HAUS7: variants seen among roughly 807,000 people sequenced by gnomAD.
HAUS7 encodes HAUS augmin-like complex subunit 7.
HAUS7 carries 3 observed loss-of-function variants against 28.4 expected under a neutral mutation model. That is an observed-to-expected ratio of 0.11 (90% confidence interval 0.05 to 0.27). The LOEUF (loss-of-function observed/expected upper bound fraction) is 0.27. HAUS7 is among the 10% of genes least tolerant of loss of function. The pLI, the probability that HAUS7 is intolerant of heterozygous loss-of-function variation, is 1.00. For missense variants in HAUS7, 284 were observed against 297.3 expected, an observed-to-expected ratio of 0.96 and a Z score of 0.33; for synonymous variants, 165 against 132.1, an observed-to-expected ratio of 1.25 and a Z score of -1.71.
intron 1 of HAUS7, among the ~76,000 whole-genome samples, chrX:153,483,988 G>C (rs1425394208): frequency 8.9e-6 from 1 of 112,201 alleles, no homozygotes; most frequent in East Asian, 2.8e-4. Flanking sequence ...CCACAAGCTG[G>C]GTGGCTTCAA....
At chrX:153,483,600 G>C (rs957778791) in intron 1 of HAUS7, among the ~76,000 whole-genome samples, 2 of 112,130 alleles carry the variant, frequency 1.8e-5, no homozygotes, top group Admixed American at 1.9e-4. Context: ...GGCTCCAGGG[G>C]AGGACTTGTT....
At chrX:153,468,077 G>A (rs2089475631) in intron 2 of HAUS7, among the ~76,000 whole-genome samples, 1 of 112,400 alleles carries the variant, frequency 8.9e-6, no homozygotes, top group African/African-American at 3.2e-5. Flanking sequence ...GAGGCCTGAG[G>A]AAGGGCCTAG....
chrX:153,466,289 G>A (rs2089454183), intron 2 of HAUS7, among the ~76,000 whole-genome samples: 1 of 112,722 alleles, frequency 8.9e-6, no homozygotes, highest in East Asian at 2.8e-4. Flanking sequence ...GTGCAAGGGC[G>A]GGCACAGTAA....
chrX:153,481,495 C>G (rs1556987305), intron 1 of HAUS7: 1 of 755,069 alleles, frequency 1.3e-6, no homozygotes. Flanking sequence ...TGGGCACAGG[C>G]ACAGGCACGC....
intron 2 of HAUS7, among the ~76,000 whole-genome samples, chrX:153,466,589 G>A (rs1302769155): frequency 8.9e-6 from 1 of 111,990 alleles, no homozygotes; most frequent in Non-Finnish European, 1.9e-5. Context: ...GTGCGGTCAC[G>A]TACAAAGAAA....
chrX:153,448,624 G>C (rs186147592), intron 9 of HAUS7, among the ~76,000 whole-genome samples: 1 of 111,386 alleles, frequency 9.0e-6, no homozygotes, highest in Non-Finnish European at 1.9e-5. Context: ...AGCGAGCCTG[G>C]CGCAAGAGGC....
rs782258428 is a variant in HAUS7, at chrX:153,455,637, C to T, written c.835G>A (p.Glu279Lys). The change falls in exon 8 of 10, where the codon GAG becomes AAG. Residue 279 changes from glutamate to lysine, a missense_variant. Transcript: ENST00000370211. ...GGGCGCTGGCAGCACTCGCCCAGCT[C>T]GTCGTCGTAGACTTGGAGAAAAGCC... ...ILAFLQVYDD[E>K]LGECCQRPGP... The T allele has an allele frequency of 8.3e-7, 1 of 1,207,329 alleles. No homozygotes were observed. The highest frequency in any genetic ancestry group is 2.2e-5 in the Admixed American group (1 of 45,965).
chrX:153,493,489 C>G (rs940602421), intron 1 of HAUS7, among the ~76,000 whole-genome samples: 2 of 112,269 alleles, frequency 1.8e-5, no homozygotes, highest in Middle Eastern at 4.6e-3. Context: ...GTAAAACACA[C>G]AAACCTGCCG....
intron 1 of HAUS7, among the ~76,000 whole-genome samples, chrX:153,476,669 G>A (rs782175374): frequency 7.1e-5 from 8 of 112,141 alleles, no homozygotes; most frequent in African/African-American, 2.6e-4. Context: ...AGAAGACTGG[G>A]GCACTGAGGA....
At chrX:153,481,666 C>T (rs1368772335) in intron 1 of HAUS7, 1 of 753,089 alleles carries the variant, frequency 1.3e-6, no homozygotes, top group East Asian at 1.5e-4. Context: ...GCCTCCTCGC[C>T]CCACACCCAC....
intron 1 of HAUS7, among the ~76,000 whole-genome samples, chrX:153,483,609 T>C (rs1307961373): frequency 9.0e-6 from 1 of 111,208 alleles, no homozygotes; most frequent in Non-Finnish European, 1.9e-5. Flanking sequence ...GGAGGACTTG[T>C]TCCTTGGGCC....
Position 153,470,514 on chromosome X carries a change from T to G in HAUS7, c.44A>C (p.Tyr15Ser). ...GCTGCTGTCGCCCTCGTCCTCTGAG[T>G]AGTCGTCGCCGCCACGGCCGCAGCC... ...DAGCGRGGDD[Y>S]SEDEGDSSVS... Residue 15 changes from tyrosine (Y) to serine (S), a missense_variant, in exon 1 of 10, where the codon TAC becomes TCC. Physicochemically the swap from Tyr to Ser is moderately radical, Grantham distance 144. Transcript: ENST00000370211. 2 of 1,202,203 alleles carry G rather than the reference T, an allele frequency of 1.7e-6. No homozygotes were observed. The highest frequency in any genetic ancestry group is 2.2e-6 in the Non-Finnish European group (2 of 890,804).
At chrX:153,466,588 C>T (rs1388746795) in intron 2 of HAUS7, among the ~76,000 whole-genome samples, 1 of 111,956 alleles carries the variant, frequency 8.9e-6, no homozygotes, top group Non-Finnish European at 1.9e-5. Flanking sequence ...GGTGCGGTCA[C>T]GTACAAAGAA....
At chrX:153,449,734 C>T (rs1556980772) in intron 9 of HAUS7, among the ~76,000 whole-genome samples, 1 of 112,460 alleles carries the variant, frequency 8.9e-6, no homozygotes, top group Non-Finnish European at 1.9e-5. Flanking sequence ...GGCGCCTGCA[C>T]TCACCTGGCT....
At chrX:153,448,209 G>A (rs1556980443) in intron 9 of HAUS7, among the ~76,000 whole-genome samples, 2 of 110,209 alleles carry the variant, frequency 1.8e-5, no homozygotes, top group African/African-American at 3.3e-5. Context: ...AATACTACGC[G>A]GCCCATAAAA....
intron 1 of HAUS7, chrX:153,481,635 A>G (rs2089600607): frequency 1.3e-6 from 1 of 752,625 alleles, no homozygotes; most frequent in African/African-American, 2.3e-5. Flanking sequence ...GTCTGACCAC[A>G]CTCTACCTGG....
chrX:153,459,835 G>A (rs1432322477), intron 4 of HAUS7, among the ~76,000 whole-genome samples: 5 of 112,303 alleles, frequency 4.5e-5, no homozygotes, highest in African/African-American at 1.6e-4. Context: ...GGGCAACATG[G>A]CAAGACCTCC....
chrX:153,491,057 G>C (rs1281650471), intron 1 of HAUS7, among the ~76,000 whole-genome samples: 2 of 111,596 alleles, frequency 1.8e-5, no homozygotes, highest in South Asian at 3.9e-4. Context: ...GGGGAGGTTC[G>C]TGTCCAGGCA....
At chrX:153,485,940 G>A (rs1482655731) in intron 1 of HAUS7, 10 of 968,969 alleles carry the variant, frequency 1.0e-5, no homozygotes, top group African/African-American at 2.0e-5. Flanking sequence ...TCCCACAACA[G>A]GCTGCAGGCT....
Sources: allele counts gnomAD v4.1 joint callset (sites outside exome capture counted in the v4.1 genomes callset), GRCh38; gene constraint gnomAD v4.1.1; transcripts MANE v1.5; gene names NCBI Gene and HGNC (gene_info 2026-07-23, HGNC 2026-07-21).